XKR4: variants seen among roughly 807,000 people sequenced by gnomAD.
XKR4 encodes the protein XK-related protein 4.
In XKR4, 12 loss-of-function variants were observed where a neutral mutation model predicts 53.9. That is an observed-to-expected ratio of 0.22 (90% CI 0.14 to 0.36). The LOEUF is 0.36. Among genes scored for constraint, XKR4 ranks in the 10% least tolerant of loss-of-function variants. The pLI is 1.00. For synonymous variants in XKR4, 354 were observed against 362.4 expected (o/e 0.98, Z 0.26); for missense variants, 799 against 859.5 (o/e 0.93, Z 0.88).
intron 2 of XKR4, among the ~76,000 whole-genome samples, chr8:55,519,505 G>A (rs1406221779): frequency 6.6e-6 from 1 of 151,694 alleles, no homozygotes; most frequent in Non-Finnish European, 1.5e-5. Context: ...TTATTTTCAA[G>A]TACTATACTC....
chr8:55,161,628 G>A (rs1563471851), intron 1 of XKR4: 1 of 456,302 alleles, frequency 2.2e-6, no homozygotes. Flanking sequence ...AACTTCTAAT[G>A]TTGCAGTGGG....
chr8:55,450,351 G>A (rs1000465952), intron 2 of XKR4: 7 of 684,134 alleles, frequency 1.0e-5, no homozygotes, highest in African/African-American at 3.7e-5. Context: ...GGTTGGACAC[G>A]TTGCTGTAGG....
intron 1 of XKR4, among the ~76,000 whole-genome samples, chr8:55,220,301 T>TAACAAA: frequency 6.6e-6 from 1 of 152,208 alleles, no homozygotes; most frequent in African/African-American, 2.4e-5. Flanking sequence ...AAACAAATGA[T>TAACAAA]TAAGTGTAAC....
chr8:55,156,291 A>G (rs1320487162), intron 1 of XKR4, among the ~76,000 whole-genome samples: 4 of 152,044 alleles, frequency 2.6e-5, no homozygotes, highest in Admixed American at 2.6e-4. Flanking sequence ...TAAATGTAAG[A>G]AAAAAACATG....
intron 2 of XKR4, among the ~76,000 whole-genome samples, chr8:55,423,385 G>T (rs139304012): frequency 1.3e-5 from 2 of 152,052 alleles, no homozygotes; most frequent in South Asian, 2.1e-4. Flanking sequence ...GTGAGCCACC[G>T]CACCCGCCAG....
intron 2 of XKR4, among the ~76,000 whole-genome samples, chr8:55,466,264 G>T (rs182737487): frequency 0.01 from 1,577 of 152,200 alleles, 12 homozygotes; most frequent in Admixed American, 0.019. Flanking sequence ...TAGACTGGAT[G>T]AAGAAAATGT....
At chr8:55,185,230 A>G (rs1174750064) in intron 1 of XKR4, among the ~76,000 whole-genome samples, 1 of 152,214 alleles carries the variant, frequency 6.6e-6, no homozygotes, top group Non-Finnish European at 1.5e-5. Flanking sequence ...TTTCAAATCA[A>G]AGTTCATCTA....
chr8:55,320,367 A>G (rs1312003433), intron 1 of XKR4, among the ~76,000 whole-genome samples: 8 of 152,202 alleles, frequency 5.3e-5, no homozygotes, highest in Non-Finnish European at 1.5e-5. Flanking sequence ...TTAACTTCCT[A>G]TCTGAAGGAA....
chr8:55,431,530 C>T lies in XKR4; in HGVS notation c.1006+73653C>T, dbSNP rs1359989666. Among the ~76,000 whole-genome samples the T allele has an allele frequency of 2.0e-5, 3 of 152,136 alleles. No homozygotes were observed. In the South Asian group the frequency reaches 6.2e-4, roughly 32 times the overall value. ...AAGCAGATTATCTTTAGCTTGAAAA[C>T]TCATGTTGTTCCTAGTAATTTGAGC... On this transcript the variant is annotated intron_variant, in intron 2 of 2. Transcript: ENST00000327381.
intron 1 of XKR4, among the ~76,000 whole-genome samples, chr8:55,153,549 A>C (rs778638803): frequency 2.2e-4 from 33 of 152,248 alleles, no homozygotes; most frequent in Non-Finnish European, 4.7e-4. Flanking sequence ...TAAAAATAAA[A>C]TCAATGTGGG....
intron 1 of XKR4, among the ~76,000 whole-genome samples, chr8:55,185,236 A>G (rs1256729555): frequency 6.6e-6 from 1 of 152,226 alleles, no homozygotes; most frequent in East Asian, 1.9e-4. Flanking sequence ...ATCAAAGTTC[A>G]TCTATCACTA....
chr8:55,220,069 C>A (rs1817860933), intron 1 of XKR4, among the ~76,000 whole-genome samples: 1 of 152,170 alleles, frequency 6.6e-6, no homozygotes, highest in South Asian at 2.1e-4. Context: ...TTTTAATATT[C>A]TCACTGCAAA....
intron 1 of XKR4, chr8:55,161,750 A>G (rs1438850005): frequency 1.8e-5 from 7 of 387,098 alleles, no homozygotes; most frequent in Non-Finnish European, 3.1e-5. Flanking sequence ...CTGCACATAC[A>G]TTCATCACTA....
intron 1 of XKR4, among the ~76,000 whole-genome samples, chr8:55,153,869 A>G (rs1194605001): frequency 6.6e-6 from 1 of 152,252 alleles, no homozygotes; most frequent in Non-Finnish European, 1.5e-5. Flanking sequence ...TTGTTAATGC[A>G]GGAAGATATT....
intron 1 of XKR4, among the ~76,000 whole-genome samples, chr8:55,259,517 T>A (rs1344825282): frequency 6.6e-6 from 1 of 152,072 alleles, no homozygotes; most frequent in African/African-American, 2.4e-5. Flanking sequence ...CCCTTCGTTG[T>A]AACTGACTCC....
At chr8:55,182,790 C>A (rs1659659458) in intron 1 of XKR4, among the ~76,000 whole-genome samples, 2 of 147,130 alleles carry the variant, frequency 1.4e-5, no homozygotes, top group African/African-American at 5.1e-5. Context: ...TTTTGCCTTT[C>A]ATATAAAGTT....
intron 1 of XKR4, among the ~76,000 whole-genome samples, chr8:55,110,958 A>G (rs1177157405): frequency 6.6e-6 from 1 of 152,192 alleles, no homozygotes; most frequent in Non-Finnish European, 1.5e-5. Context: ...AACTAGAGAA[A>G]GATTAAAAGG....
At chr8:55,413,585 T>C (rs1804804804) in intron 2 of XKR4, among the ~76,000 whole-genome samples, 1 of 152,268 alleles carries the variant, frequency 6.6e-6, no homozygotes, top group Non-Finnish European at 1.5e-5. Flanking sequence ...TCCTTTTTCG[T>C]GGCAGCAAAA....
At chr8:55,328,944 C>T (rs1803336720) in intron 1 of XKR4, among the ~76,000 whole-genome samples, 1 of 152,150 alleles carries the variant, frequency 6.6e-6, no homozygotes, top group Non-Finnish European at 1.5e-5. Context: ...TGTGTTTGCT[C>T]ATGGTCTCTC....
Sources: allele counts gnomAD v4.1 joint callset (sites outside exome capture counted in the v4.1 genomes callset), GRCh38; gene constraint gnomAD v4.1.1; transcripts MANE v1.5; gene names NCBI Gene and HGNC (gene_info 2026-07-23, HGNC 2026-07-21).